The following ZNHIT6 variants were observed in gnomAD, a reference collection of about 807,000 sequenced individuals.
The protein encoded by ZNHIT6 is zinc finger HIT-type containing 6, also known as box C/D snoRNA protein 1.
ZNHIT6 carries 45 observed loss-of-function variants against 57.2 expected under a neutral mutation model. The ratio of observed to expected loss-of-function variants is 0.79; its 90% CI spans 0.62 to 1.01. The LOEUF (loss-of-function observed/expected upper bound fraction) is 1.01, where lower values mean the gene tolerates loss of function less well. ZNHIT6 is among the 50% of genes least tolerant of loss of function. The pLI is 0.00. For missense variants in ZNHIT6, 528 were observed against 567.3 expected (o/e 0.93, Z 0.70); for synonymous variants, 188 against 190.0 (o/e 0.99, Z 0.09).
chr1:85,679,566 T>TG (rs1419868128), intron 6 of ZNHIT6, among the ~76,000 whole-genome samples: 1 of 150,298 alleles, frequency 6.7e-6, no homozygotes, highest in Non-Finnish European at 1.5e-5. Context: ...TTAAAATGTT[T>TG]TTTTTTTTTT....
At chr1:85,699,611 G>C (rs889696401) in intron 5 of ZNHIT6, among the ~76,000 whole-genome samples, 5 of 152,054 alleles carry the variant, frequency 3.3e-5, no homozygotes, top group African/African-American at 9.7e-5. Context: ...ATACTTTCTT[G>C]ATGAAAGTAC....
At chr1:85,680,153 G>A (rs1018681544) in intron 6 of ZNHIT6, among the ~76,000 whole-genome samples, 29 of 152,136 alleles carry the variant, frequency 1.9e-4, no homozygotes, top group African/African-American at 5.6e-4. Flanking sequence ...TGCAGTGAGC[G>A]GAGGTCCGCA....
intron 9 of ZNHIT6, among the ~76,000 whole-genome samples, chr1:85,654,350 C>A (rs1185450137): frequency 1.3e-5 from 2 of 152,194 alleles, no homozygotes; most frequent in Non-Finnish European, 2.9e-5. Context: ...TAGGAATGGT[C>A]ACTTCACAAT....
intron 5 of ZNHIT6, among the ~76,000 whole-genome samples, chr1:85,684,110 ACC>A (rs1481390264): frequency 6.6e-6 from 1 of 152,128 alleles, no homozygotes; most frequent in Non-Finnish European, 1.5e-5. Flanking sequence ...ATGTCACTAT[ACC>A]CTTGGCATAT....
At chr1:85,671,046 T>C (rs1207390401) in intron 8 of ZNHIT6, among the ~76,000 whole-genome samples, 1 of 152,224 alleles carries the variant, frequency 6.6e-6, no homozygotes, top group Non-Finnish European at 1.5e-5. Context: ...ATGAGATGTG[T>C]AAATGAAGAT....
chr1:85,684,496 A>G (rs1406601372), intron 5 of ZNHIT6, among the ~76,000 whole-genome samples: 1 of 152,226 alleles, frequency 6.6e-6, no homozygotes, highest in Non-Finnish European at 1.5e-5. Context: ...CAACAGATAT[A>G]CAGTGTATCT....
intron 5 of ZNHIT6, among the ~76,000 whole-genome samples, chr1:85,682,364 A>G (rs902045930): frequency 6.6e-6 from 1 of 151,750 alleles, no homozygotes; most frequent in South Asian, 2.1e-4. Context: ...TTTCTTCCTA[A>G]ATGTATGTTT....
chr1:85,696,178 T>TC (rs969770019), intron 5 of ZNHIT6, among the ~76,000 whole-genome samples: 4 of 148,474 alleles, frequency 2.7e-5, no homozygotes, highest in Admixed American at 2.7e-4. Flanking sequence ...TAACTGCATT[T>TC]TTTTTTTTTT....
intron 5 of ZNHIT6, among the ~76,000 whole-genome samples, chr1:85,694,800 A>G (rs946038447): frequency 1.3e-5 from 2 of 152,206 alleles, no homozygotes; most frequent in Admixed American, 1.3e-4. Flanking sequence ...AACTTTAAAT[A>G]GGTAAAACTA....
At chr1:85,700,280 C>T (rs1205488445) in intron 5 of ZNHIT6, among the ~76,000 whole-genome samples, 2 of 152,130 alleles carry the variant, frequency 1.3e-5, no homozygotes, top group Non-Finnish European at 2.9e-5. Context: ...TACAAGGTAG[C>T]TATCATGAGC....
intron 8 of ZNHIT6, among the ~76,000 whole-genome samples, chr1:85,663,541 C>T (rs915876642): frequency 2.0e-5 from 3 of 152,184 alleles, no homozygotes; most frequent in Admixed American, 2.0e-4. Context: ...TTAGTGTCTA[C>T]TATGCACAGG....
intron 5 of ZNHIT6, among the ~76,000 whole-genome samples, chr1:85,695,837 C>A (rs1459969359): frequency 1.3e-5 from 2 of 152,248 alleles, no homozygotes; most frequent in Non-Finnish European, 2.9e-5. Flanking sequence ...GAGATCCAGA[C>A]CATCCTGGCT....
rs768908209 is a variant in ZNHIT6 at position 85,702,241 on chromosome 1, C to A, written c.935G>T (p.Arg312Leu). ...TAAGTTAATACCTTGCCTCCGGGCA[C>A]GATTTTTCATAAAGTACATCTAACA... ...SNKYMYFMKN[R>L]ARRQGINLKL... The change falls in exon 5 of 10, where the codon CGT (arginine) becomes CTT (leucine). Residue 312 changes from arginine to leucine, a missense_variant. Transcript: ENST00000370574. 2 of 1,602,514 alleles carry A rather than the reference C, an allele frequency of 1.2e-6. No homozygotes were observed. The highest frequency in any genetic ancestry group is 1.1e-5 in the South Asian group (1 of 88,382).
At chr1:85,683,863 C>A (rs1006528657) in intron 5 of ZNHIT6, among the ~76,000 whole-genome samples, 1 of 152,056 alleles carries the variant, frequency 6.6e-6, no homozygotes, top group African/African-American at 2.4e-5. Flanking sequence ...GTCCTTTGCA[C>A]TGCAGGACGT....
chr1:85,698,247 T>C (rs1662433006), intron 5 of ZNHIT6, among the ~76,000 whole-genome samples: 1 of 152,170 alleles, frequency 6.6e-6, no homozygotes, highest in Non-Finnish European at 1.5e-5. Context: ...ACTTTGACTA[T>C]TCAGTGAAAA....
At chr1:85,659,234 G>A (rs920666700) in intron 8 of ZNHIT6, among the ~76,000 whole-genome samples, 3 of 152,172 alleles carry the variant, frequency 2.0e-5, no homozygotes, top group Non-Finnish European at 2.9e-5. Context: ...TAAGTCTGAG[G>A]TGGCTGAAAA....
At chr1:85,685,367 G>T (rs1008615556) in intron 5 of ZNHIT6, among the ~76,000 whole-genome samples, 1 of 152,126 alleles carries the variant, frequency 6.6e-6, no homozygotes, top group Non-Finnish European at 1.5e-5. Context: ...AGATGAGGCA[G>T]AACTTTATGT....
chr1:85,689,558 GAAAAT>G (rs1662157151), intron 5 of ZNHIT6, among the ~76,000 whole-genome samples: 2 of 152,118 alleles, frequency 1.3e-5, no homozygotes, highest in Non-Finnish European at 1.5e-5. Flanking sequence ...ACTACTGCAT[GAAAAT>G]AATAGGAAAA....
intron 1 of ZNHIT6, 21 bp from the exon 2 acceptor site, chr1:85,706,528 C>T (rs531053179): frequency 1.3e-6 from 2 of 1,522,002 alleles, no homozygotes; most frequent in African/African-American, 2.8e-5. Context: ...CCACATGTAA[C>T]ATTAAATTAT....
Sources: allele counts gnomAD v4.1 joint callset (sites outside exome capture counted in the v4.1 genomes callset), GRCh38; gene constraint gnomAD v4.1.1; transcripts MANE v1.5; gene names NCBI Gene and HGNC (gene_info 2026-07-23, HGNC 2026-07-21).